EPHA3: variants seen among roughly 807,000 people sequenced by gnomAD.
EPHA3 encodes ephrin type-A receptor 3.
Under a neutral mutation model 107.1 loss-of-function variants are expected in EPHA3, and 42 were observed. The ratio of observed to expected loss-of-function variants is 0.39; its 90% confidence interval spans 0.31 to 0.51. The LOEUF is 0.51. Among genes scored for constraint, EPHA3 ranks in the 20% least tolerant of loss-of-function variants. The pLI, the probability that EPHA3 is intolerant of heterozygous loss-of-function variation, is 0.78. For missense variants in EPHA3, 1,183 were observed against 1,211.2 expected, an observed-to-expected ratio of 0.98 and a Z score of 0.35; for synonymous variants, 461 against 424.8, an observed-to-expected ratio of 1.09 and a Z score of -1.05.
At chr3:89,134,156 C>CAGTT (rs1217798754) in intron 2 of EPHA3, among the ~76,000 whole-genome samples, 2 of 151,802 alleles carry the variant, frequency 1.3e-5, no homozygotes, top group Non-Finnish European at 2.9e-5. Flanking sequence ...ACCTCTTGTG[C>CAGTT]AGTTGTAAGA....
At chr3:89,206,467 A>C (rs1706107170) in intron 2 of EPHA3, among the ~76,000 whole-genome samples, 1 of 152,192 alleles carries the variant, frequency 6.6e-6, no homozygotes, top group Non-Finnish European at 1.5e-5. Flanking sequence ...ATTGGTTTAC[A>C]TTCAAATAAT....
chr3:89,236,115 T>C (rs1704754387), intron 3 of EPHA3, among the ~76,000 whole-genome samples: 1 of 152,118 alleles, frequency 6.6e-6, no homozygotes, highest in South Asian at 2.1e-4. Context: ...ATGTGATTTT[T>C]ACATCTTCCA....
chr3:89,383,489 A>G (rs1270782365), intron 5 of EPHA3, among the ~76,000 whole-genome samples: 1 of 152,130 alleles, frequency 6.6e-6, no homozygotes, highest in African/African-American at 2.4e-5. Flanking sequence ...GAATCCTGCA[A>G]GCATCCACCT....
At chr3:89,135,803 A>G (rs1704298053) in intron 2 of EPHA3, among the ~76,000 whole-genome samples, 1 of 151,914 alleles carries the variant, frequency 6.6e-6, no homozygotes, top group Non-Finnish European at 1.5e-5. Context: ...ATTGAAAATT[A>G]TATTGATTGT....
At chr3:89,166,355 A>G (rs1187792826) in intron 2 of EPHA3, among the ~76,000 whole-genome samples, 1 of 152,170 alleles carries the variant, frequency 6.6e-6, no homozygotes, top group Non-Finnish European at 1.5e-5. Flanking sequence ...CTATCTTTTG[A>G]ACAGAAGCAC....
At chr3:89,237,495 T>C (rs141714342) in intron 3 of EPHA3, among the ~76,000 whole-genome samples, 135 of 152,384 alleles carry the variant, frequency 8.9e-4, no homozygotes, top group Non-Finnish European at 1.5e-3. Context: ...TCCATAATTG[T>C]CACAAAATGT....
intron 11 of EPHA3, among the ~76,000 whole-genome samples, chr3:89,427,996 T>A (rs1464424693): frequency 6.6e-6 from 1 of 151,992 alleles, no homozygotes; most frequent in Non-Finnish European, 1.5e-5. Context: ...TTGTATAATA[T>A]TACGCTGTAA....
At chr3:89,347,807 G>A (rs1707708845) in intron 5 of EPHA3, among the ~76,000 whole-genome samples, 3 of 150,832 alleles carry the variant, frequency 2.0e-5, no homozygotes, top group Admixed American at 6.6e-5. Context: ...CTAATTTATT[G>A]AGAGTTTTTA....
chr3:89,358,358 A>T (rs534557577), intron 5 of EPHA3, among the ~76,000 whole-genome samples: 2 of 151,316 alleles, frequency 1.3e-5, no homozygotes, highest in South Asian at 2.1e-4. Flanking sequence ...GTCTAAAAAA[A>T]AACCCATTTA....
intron 5 of EPHA3, among the ~76,000 whole-genome samples, chr3:89,343,876 A>G (rs1707586632): frequency 6.6e-6 from 1 of 152,180 alleles, no homozygotes; most frequent in African/African-American, 2.4e-5. Flanking sequence ...CGTTAATGGT[A>G]TTTATACTTT....
intron 2 of EPHA3, among the ~76,000 whole-genome samples, chr3:89,128,100 G>T (rs1327674841): frequency 6.6e-6 from 1 of 152,054 alleles, no homozygotes; most frequent in African/African-American, 2.4e-5. Context: ...ACAAATTTAT[G>T]TATTCCTGTC....
chr3:89,369,436 T>A (rs1576340513), intron 5 of EPHA3, among the ~76,000 whole-genome samples: 1 of 150,752 alleles, frequency 6.6e-6, no homozygotes, highest in South Asian at 2.1e-4. Context: ...CTGGGAAAAC[T>A]GGCTAGCCAT....
intron 3 of EPHA3, among the ~76,000 whole-genome samples, chr3:89,287,634 G>T (rs1294580291): frequency 6.6e-6 from 1 of 151,960 alleles, no homozygotes; most frequent in Non-Finnish European, 1.5e-5. Flanking sequence ...AGGGACAAAA[G>T]AAAGAAAATA....
intron 5 of EPHA3, among the ~76,000 whole-genome samples, chr3:89,354,705 C>T (rs1453647445): frequency 6.6e-6 from 1 of 151,108 alleles, no homozygotes; most frequent in East Asian, 1.9e-4. Flanking sequence ...CCTAACTCTT[C>T]TTGACATGAT....
chr3:89,295,198 C>T (rs1342510580), intron 3 of EPHA3, among the ~76,000 whole-genome samples: 1 of 152,160 alleles, frequency 6.6e-6, no homozygotes, highest in Non-Finnish European at 1.5e-5. Flanking sequence ...CTACCATAGT[C>T]TATTAAGTGT....
At position 89,474,320 on chromosome 3, in the gene EPHA3, G is replaced by A. The variant is rs1289257096; in HGVS notation, c.2846+1701G>A. Among the ~76,000 whole-genome samples the A allele has an allele frequency of 2.0e-5, 3 of 152,142 alleles. 1 individual carries two copies. The highest frequency in any genetic ancestry group is 2.0e-4 in the Admixed American group (3 of 15,254). ...TGCACCAGCATTCTTGTTCAAAGTGGAATGTGGTGTTTATTGAATAGACTT... is the reference window on the plus strand; with the variant it reads ...TGCACCAGCATTCTTGTTCAAAGTGAAATGTGGTGTTTATTGAATAGACTT... On this transcript the variant is annotated intron_variant, in intron 16 of 16. Coordinates refer to ENST00000336596, the MANE Select transcript of EPHA3 (RefSeq NM_005233.6).
chr3:89,208,309 G>T (rs555876174), intron 2 of EPHA3, among the ~76,000 whole-genome samples: 11 of 148,608 alleles, frequency 7.4e-5, no homozygotes, highest in Non-Finnish European at 1.5e-4. Flanking sequence ...GGTGAAGATT[G>T]CAGTGAGCTG....
At chr3:89,265,253 C>A (rs1243941766) in intron 3 of EPHA3, among the ~76,000 whole-genome samples, 1 of 152,062 alleles carries the variant, frequency 6.6e-6, no homozygotes, top group Non-Finnish European at 1.5e-5. Context: ...AAACTGGTGT[C>A]ATAGAGCATA....
intron 3 of EPHA3, among the ~76,000 whole-genome samples, chr3:89,254,903 A>G (rs896148408): frequency 2.0e-5 from 3 of 152,238 alleles, no homozygotes; most frequent in African/African-American, 7.2e-5. Context: ...AATAGCATTC[A>G]GTAACTTCAG....
Sources: gnomAD v4.1 joint callset for allele counts (sites outside exome capture counted in the v4.1 genomes callset) on GRCh38, gnomAD v4.1.1 for gene constraint, MANE v1.5 for transcripts, NCBI Gene and HGNC (gene_info 2026-07-23, HGNC 2026-07-21) for gene names.